Variants in FAM227B observed in about 807,000 individuals in gnomAD.
FAM227B encodes protein FAM227B.
In FAM227B, 88 loss-of-function variants were observed where a neutral mutation model predicts 73.8. The observed-to-expected ratio is 1.19, with a 90% CI of 1.00 to 1.42. The LOEUF (loss-of-function observed/expected upper bound fraction) is 1.42, where lower values mean the gene tolerates loss of function less well. Ranked by LOEUF, FAM227B falls within the 40% of genes most tolerant of loss-of-function variation. FAM227B has a pLI of 0.00. For missense variants in FAM227B, 632 were observed against 590.9 expected (o/e 1.07, Z -0.72); for synonymous variants, 210 against 190.5 (o/e 1.10, Z -0.84).
intron 5 of FAM227B, among the ~76,000 whole-genome samples, chr15:49,586,644 A>T (rs574511109): frequency 1.8e-3 from 274 of 152,332 alleles, no homozygotes; most frequent in African/African-American, 6.3e-3. Flanking sequence ...TACGCATCTT[A>T]CAAAGGTCTA....
chr15:49,571,425 C>T (rs763589757), intron 8 of FAM227B, among the ~76,000 whole-genome samples: 39 of 151,752 alleles, frequency 2.6e-4, no homozygotes, highest in Non-Finnish European at 4.4e-4. Flanking sequence ...AAAAAATCAC[C>T]GTACAAACCA....
intron 11 of FAM227B, among the ~76,000 whole-genome samples, chr15:49,448,420 T>C (rs113493241): frequency 0.024 from 3,659 of 151,836 alleles, 115 homozygotes; most frequent in South Asian, 0.15. Context: ...AACTGATGTG[T>C]ATATTAATTG....
intron 5 of FAM227B, among the ~76,000 whole-genome samples, chr15:49,581,237 T>G (rs1598364743): frequency 6.6e-6 from 1 of 151,870 alleles, no homozygotes; most frequent in South Asian, 2.1e-4. Flanking sequence ...GAAGGGCAGG[T>G]AAACCTACAA....
At chr15:49,495,597 A>G (rs1597598297) in intron 11 of FAM227B, among the ~76,000 whole-genome samples, 1 of 152,308 alleles carries the variant, frequency 6.6e-6, no homozygotes, top group East Asian at 1.9e-4. Flanking sequence ...AATGATGTAT[A>G]ATGAAAAGCA....
chr15:49,609,078 G>A (rs2077715167), intron 3 of FAM227B, among the ~76,000 whole-genome samples: 1 of 151,906 alleles, frequency 6.6e-6, no homozygotes, highest in Admixed American at 6.6e-5. Flanking sequence ...CTGGCAAATA[G>A]TGGGTAGTGA....
In FAM227B at chr15:49,508,291, G is replaced by A. The variant is rs1235994329; in HGVS notation, c.932C>T (p.Thr311Ile). The change falls in exon 11 of 16, where the codon ACC becomes ATC. Residue 311 changes from threonine to isoleucine, a missense_variant. By Grantham distance (89) the Thr-to-Ile change is moderately conservative. Transcript: ENST00000299338. Reference sequence around the variant, plus strand: ...TGCTTTTTTGCTACCATGAATGGTGGTTGTGGAGAGTTCTTTCAGTTTCCA... The same window carrying A: ...TGCTTTTTTGCTACCATGAATGGTGATTGTGGAGAGTTCTTTCAGTTTCCA... Reference protein sequence around the residue: ...IHWKLKELSTTTIHGSKKAPA... With the variant: ...IHWKLKELSTITIHGSKKAPA... 6.8e-6 allele frequency: 11 copies of A among 1,610,838 alleles called. No individual in the cohort carries two copies. Among genetic ancestry groups the A allele is most frequent in the South Asian group, 4.4e-5 (4 of 90,662 alleles).
intron 15 of FAM227B, 21 bp from the exon 16 acceptor site, chr15:49,328,696 T>G (rs761403515): frequency 1.3e-6 from 2 of 1,549,462 alleles, no homozygotes; most frequent in Admixed American, 2.0e-5. Context: ...AATACATGAT[T>G]AAAGTTTCAC....
chr15:49,607,505 G>T (rs1238133760), intron 3 of FAM227B, among the ~76,000 whole-genome samples: 1 of 152,194 alleles, frequency 6.6e-6, no homozygotes, highest in African/African-American at 2.4e-5. Context: ...TGTTGCTATT[G>T]TTAGGGGAGT....
intron 3 of FAM227B, among the ~76,000 whole-genome samples, chr15:49,609,418 TGATAA>T (rs1787476261): frequency 6.6e-6 from 1 of 151,742 alleles, no homozygotes; most frequent in Non-Finnish European, 1.5e-5. Flanking sequence ...TTAGATGATA[TGATAA>T]AAGATTAAGT....
intron 11 of FAM227B, among the ~76,000 whole-genome samples, chr15:49,429,754 C>T (rs1185525404): frequency 6.6e-6 from 1 of 151,894 alleles, no homozygotes; most frequent in Admixed American, 6.6e-5. Flanking sequence ...ATTTTAAAAG[C>T]TTCCCCAGAT....
At chr15:49,606,117 C>T (rs2077504436) in intron 3 of FAM227B, 1 of 152,212 alleles carries the variant, frequency 6.6e-6, no homozygotes, top group Admixed American at 6.5e-5. Flanking sequence ...CTGTGCCACG[C>T]CTAGGACTCC....
intron 11 of FAM227B, among the ~76,000 whole-genome samples, chr15:49,375,403 T>C (rs1367556794): frequency 6.6e-6 from 1 of 152,168 alleles, no homozygotes; most frequent in African/African-American, 2.4e-5. Flanking sequence ...CTTTTATCCA[T>C]TATTTCTTAC....
intron 11 of FAM227B, chr15:49,483,195 A>T: frequency 6.3e-7 from 1 of 1,592,294 alleles, no homozygotes; most frequent in Non-Finnish European, 8.5e-7. Flanking sequence ...TGTGGCAATC[A>T]AAGGGGTGGA....
At chr15:49,609,864 T>C (rs79918183) in intron 3 of FAM227B, among the ~76,000 whole-genome samples, 2,615 of 152,030 alleles carry the variant, frequency 0.017, 37 homozygotes, top group Middle Eastern at 0.034. Flanking sequence ...GAGAAACCTA[T>C]AAATGACAAA....
chr15:49,457,915 TTTAA>T (rs755109123), intron 11 of FAM227B, among the ~76,000 whole-genome samples: 40 of 152,124 alleles, frequency 2.6e-4, no homozygotes, highest in Non-Finnish European at 2.2e-4. Flanking sequence ...AAGTTAAACA[TTTAA>T]TTAATGTTAG....
chr15:49,476,476 C>T (rs1204669010), intron 11 of FAM227B, among the ~76,000 whole-genome samples: 2 of 151,826 alleles, frequency 1.3e-5, no homozygotes, highest in African/African-American at 4.8e-5. Flanking sequence ...GTATTTGTAT[C>T]CTACAATTTC....
At chr15:49,441,332 G>A (rs563113553) in intron 11 of FAM227B, among the ~76,000 whole-genome samples, 11 of 151,812 alleles carry the variant, frequency 7.2e-5, no homozygotes, top group African/African-American at 2.2e-4. Flanking sequence ...GGGATACAAT[G>A]ATTAGAAAGC....
intron 12 of FAM227B, 79 bp from the exon 13 acceptor site, chr15:49,367,687 TTTA>T: frequency 7.8e-7 from 1 of 1,290,318 alleles, no homozygotes; most frequent in Non-Finnish European, 1.1e-6. Flanking sequence ...TAACTTCATA[TTTA>T]GCATAAAGTT....
chr15:49,566,356 T>C (rs185020558), intron 9 of FAM227B, among the ~76,000 whole-genome samples: 2 of 152,286 alleles, frequency 1.3e-5, no homozygotes, highest in East Asian at 1.9e-4. Flanking sequence ...ACAAGGTGAA[T>C]AAAGGGAACT....
Sources: gnomAD v4.1 joint callset for allele counts (sites outside exome capture counted in the v4.1 genomes callset) on GRCh38, gnomAD v4.1.1 for gene constraint, MANE v1.5 for transcripts, NCBI Gene and HGNC (gene_info 2026-07-23, HGNC 2026-07-21) for gene names.